SP6: variants seen among roughly 807,000 people sequenced by gnomAD.
SP6 encodes transcription factor Sp6.
SP6 carries 10 observed loss-of-function variants against 23.4 expected under a neutral mutation model. The observed-to-expected ratio is 0.43, with a 90% CI of 0.26 to 0.72. The LOEUF (loss-of-function observed/expected upper bound fraction) is 0.72. Ranked by LOEUF, SP6 falls within the 30% of genes least tolerant of loss-of-function variation. The pLI is 0.23. For synonymous variants in SP6, 238 were observed against 238.7 expected, an observed-to-expected ratio of 1.00 and a Z score of 0.03; for missense variants, 482 against 523.8, an observed-to-expected ratio of 0.92 and a Z score of 0.78.
At chr17:47,870,594 C>G in the SP6 span, among the ~76,000 whole-genome samples, 33 of 152,216 alleles carry the variant, frequency 2.2e-4, no homozygotes, top group African/African-American at 7.7e-4. Flanking sequence ...TGTCTGGAGA[C>G]AGGGAGAGAT....
Position 47,847,163 on chromosome 17 carries a change from C to A in SP6, c.*136G>T. 2.1e-6 allele frequency: 2 copies of A among 938,658 alleles called. No individual in the cohort carries two copies. Among genetic ancestry groups the A allele is most frequent in the South Asian group, 3.5e-5 (2 of 56,994 alleles). The allele number at this position is 938,658 out of a possible 1,614,324, so 58.1% of individuals were successfully genotyped here. On this transcript the variant is annotated 3_prime_UTR_variant, in exon 2 of 2. Transcript: ENST00000536300. Reference sequence around the variant, plus strand: ...AACCCCTAGCGCCCCATCTCCCTGTCCCTGCACCACTTTTCCTCCTCCCTG... The same window carrying A: ...AACCCCTAGCGCCCCATCTCCCTGTACCTGCACCACTTTTCCTCCTCCCTG...
At position 47,847,266 on chromosome 17, in the gene SP6, C is replaced by T; in HGVS notation, c.*33G>A. 4 of 1,474,086 alleles carry T rather than the reference C, an allele frequency of 2.7e-6. No homozygotes were observed. The highest frequency in any genetic ancestry group is 2.5e-5 in the East Asian group (1 of 40,326). 91.3% of individuals were successfully genotyped at this position (1,474,086 alleles called of 1,614,324 possible). ...CTGGGGGCTCGCATCCAGTGCCCCC[C>T]GGGATACCCGCAGGGAGGCGGCACT... On this transcript the variant is annotated 3_prime_UTR_variant, in exon 2 of 2. Transcript: ENST00000536300.
upstream of SP6, among the ~76,000 whole-genome samples, chr17:47,852,668 G>A (rs1392870574): frequency 1.3e-5 from 2 of 152,068 alleles, no homozygotes; most frequent in Non-Finnish European, 2.9e-5. Flanking sequence ...TAGCTAAACC[G>A]AGTGCATAAG....
At chr17:47,874,831 T>C in the SP6 span, among the ~76,000 whole-genome samples, 2 of 152,134 alleles carry the variant, frequency 1.3e-5, no homozygotes, top group Non-Finnish European at 2.9e-5. Flanking sequence ...TGTAGCTCTC[T>C]GAGGCCAGAG....
At chr17:47,859,339 C>A (rs1266833545), upstream of SP6, among the ~76,000 whole-genome samples, 2 of 152,248 alleles carry the variant, frequency 1.3e-5, no homozygotes, top group Non-Finnish European at 2.9e-5. Flanking sequence ...ATCCTTCAAG[C>A]TCCTGGCTGG....
chr17:47,868,358 T>C, the SP6 span, among the ~76,000 whole-genome samples: 1 of 152,222 alleles, frequency 6.6e-6, no homozygotes, highest in Non-Finnish European at 1.5e-5. Context: ...CTCAGTCACA[T>C]GAGCAGAGTG....
At chr17:47,859,554 G>A (rs1436937574), upstream of SP6, among the ~76,000 whole-genome samples, 1 of 152,226 alleles carries the variant, frequency 6.6e-6, no homozygotes, top group Non-Finnish European at 1.5e-5. Context: ...TTGAGAAAGG[G>A]ATGGATAAGC....
In SP6 at chr17:47,847,738, G is replaced by C. The variant is rs891165513; in HGVS notation, c.692C>G (p.Pro231Arg). 6.3e-7 allele frequency: 1 copy of C among 1,589,676 alleles called. No individual in the cohort carries two copies. Among genetic ancestry groups the C allele is most frequent in the Non-Finnish European group, 8.6e-7 (1 of 1,166,786 alleles). ...CAGTCGCTCCGCCTCCAGACAGTTG[G>C]GGCAGCGACAGACGGTCTGGCCTGA... ...RSSGQTVCRC[P>R]NCLEAERLGA... Residue 231 changes from proline to arginine, a missense_variant, in exon 2 of 2, where the codon CCC becomes CGC. Coordinates refer to ENST00000536300, the MANE Select transcript of SP6 (RefSeq NM_001258248.2).
At chr17:47,852,439 G>T (rs1405375258), upstream of SP6, among the ~76,000 whole-genome samples, 1 of 152,084 alleles carries the variant, frequency 6.6e-6, no homozygotes. Flanking sequence ...TTTCACAGGG[G>T]AATGCAGATT....
At chr17:47,850,616 G>C (rs558380113) in intron 1 of SP6, among the ~76,000 whole-genome samples, 27 of 152,342 alleles carry the variant, frequency 1.8e-4, no homozygotes, top group African/African-American at 6.5e-4. Flanking sequence ...GGGAAGGCAA[G>C]TCGGTGCACC....
chr17:47,864,938 C>T, the SP6 span: 3 of 152,410 alleles, frequency 2.0e-5, no homozygotes, highest in East Asian at 5.8e-4. Flanking sequence ...CCCCTATCCA[C>T]ACCCAAGAGA....
At chr17:47,867,367 C>T in the SP6 span, among the ~76,000 whole-genome samples, 1 of 152,038 alleles carries the variant, frequency 6.6e-6, no homozygotes, top group Non-Finnish European at 1.5e-5. Context: ...CTTGAGGATC[C>T]AGGGTCCTGG....
At chr17:47,850,006 G>C (rs560593328) in intron 1 of SP6, among the ~76,000 whole-genome samples, 9 of 152,166 alleles carry the variant, frequency 5.9e-5, no homozygotes, top group Non-Finnish European at 1.5e-5. Context: ...AGAGGAGGAC[G>C]GGGGCACCTA....
Position 47,848,218 on chromosome 17 carries a change from C to T in SP6, c.212G>A (p.Gly71Glu), listed in dbSNP as rs2033916239. 1.2e-6 allele frequency: 2 copies of T among 1,612,802 alleles called. No individual in the cohort carries two copies. The highest frequency in any genetic ancestry group is 1.7e-5 in the Admixed American group (1 of 60,022). The change falls in exon 2 of 2, where the codon GGG (glycine) becomes GAG (glutamate). Residue 71 changes from glycine (G) to glutamate (E), a missense_variant. Physicochemically the swap from Gly to Glu is moderately conservative, Grantham distance 98. Transcript: ENST00000536300. This position sits in a 1 kb window ranked among gnomAD's most constrained non-coding sequence, Gnocchi z 5.3. ...CTCGCAGGTTACCCGCGAGGAGGCCCCTGGCAGCTCATAGCCCTGCGAGAA... is the reference window on the plus strand; with the variant it reads ...CTCGCAGGTTACCCGCGAGGAGGCCTCTGGCAGCTCATAGCCCTGCGAGAA... ...VDFSQGYELP[G>E]ASSRVTCEDL...
chr17:47,873,067 G>C, the SP6 span, among the ~76,000 whole-genome samples: 1 of 152,240 alleles, frequency 6.6e-6, no homozygotes, highest in East Asian at 1.9e-4. Flanking sequence ...GGGAGCAGGA[G>C]CCAGGGAGAT....
chr17:47,865,045 G>A, the SP6 span: 2,997 of 152,388 alleles, frequency 0.02, 52 homozygotes, highest in Non-Finnish European at 0.026. Context: ...GAGAGAGGGG[G>A]AGAGAAGGAG....
At chr17:47,869,970 C>A in the SP6 span, among the ~76,000 whole-genome samples, 1 of 152,196 alleles carries the variant, frequency 6.6e-6, no homozygotes, top group Non-Finnish European at 1.5e-5. Context: ...GGGGCTCTCA[C>A]ATTTGTCTCT....
At chr17:47,867,421 G>T in the SP6 span, among the ~76,000 whole-genome samples, 1 of 152,160 alleles carries the variant, frequency 6.6e-6, no homozygotes, top group Admixed American at 6.5e-5. Flanking sequence ...ACAGTGGGAG[G>T]GCAGGGCCCT....
At chr17:47,859,957 C>T (rs1187624474), upstream of SP6, among the ~76,000 whole-genome samples, 2 of 152,154 alleles carry the variant, frequency 1.3e-5, no homozygotes, top group Non-Finnish European at 2.9e-5. Context: ...CCCCTCAGTC[C>T]CTCGGTAGGA....
Sources: gnomAD v4.1 joint callset for allele counts (sites outside exome capture counted in the v4.1 genomes callset) on GRCh38, gnomAD v4.1.1 for gene constraint, Gnocchi (gnomAD v3.1) non-coding constraint, MANE v1.5 for transcripts, NCBI Gene and HGNC (gene_info 2026-07-23, HGNC 2026-07-21) for gene names.